IL36G: variants seen among roughly 807,000 people sequenced by gnomAD.
IL36G encodes the protein interleukin-36 gamma.
In IL36G, 10 loss-of-function variants were observed where a neutral mutation model predicts 13.5. The observed-to-expected ratio is 0.74, with a 90% CI of 0.46 to 1.26. The LOEUF (loss-of-function observed/expected upper bound fraction) is 1.26, where lower values mean the gene tolerates loss of function less well. IL36G is among the 50% of genes most tolerant of loss of function. The probability of loss-of-function intolerance (pLI) is 0.00; values close to 1 mark genes in which losing one functional copy is unlikely to be tolerated. For synonymous variants in IL36G, 84 were observed against 74.0 expected (o/e 1.13, Z -0.69); for missense variants, 199 against 203.0 (o/e 0.98, Z 0.12).
intron 4 of IL36G, chr2:112,981,107 AG>A (rs1415484282): frequency 2.5e-6 from 2 of 794,440 alleles, no homozygotes; most frequent in East Asian, 4.9e-5. Context: ...GATAAAAAAT[AG>A]TTTTTCAAAC....
At chr2:112,979,959 T>C in intron 3 of IL36G, 50 bp from the exon 4 acceptor site, 1 of 1,588,520 alleles carries the variant, frequency 6.3e-7, no homozygotes, top group African/African-American at 1.3e-5. Flanking sequence ...TCAAATAATC[T>C]TTCTGACTTC....
intron 4 of IL36G, among the ~76,000 whole-genome samples, chr2:112,982,073 G>A (rs184384525): frequency 9.9e-5 from 15 of 152,250 alleles, no homozygotes; most frequent in Admixed American, 7.9e-4. Context: ...GGAGAGAAAT[G>A]GCAAACAATA....
Position 112,982,511 on chromosome 2 carries a change from G to A in IL36G, c.301-2329G>A, listed in dbSNP as rs78797177. Reference sequence around the variant, plus strand: ...CTCTCTGGAGATCTTAGACTGTGGCGGGCAAAGGTGAAAGTCCTTCAGGAG... The same window carrying A: ...CTCTCTGGAGATCTTAGACTGTGGCAGGCAAAGGTGAAAGTCCTTCAGGAG... On this transcript the variant is annotated intron_variant, in intron 4 of 4. Transcript: ENST00000259205. Among the ~76,000 whole-genome samples, 16 of 152,224 alleles carry A rather than the reference G, an allele frequency of 1.1e-4. No homozygotes were observed. The East Asian group carries it at 3.1e-3, about 29-fold the overall frequency.
chr2:112,984,598 A>G (rs993032380), intron 4 of IL36G, among the ~76,000 whole-genome samples: 3 of 152,132 alleles, frequency 2.0e-5, no homozygotes, highest in African/African-American at 4.8e-5. Flanking sequence ...CTGCTTGTTC[A>G]TTAAACTCTC....
At position 112,978,480 on chromosome 2, in the gene IL36G, G is replaced by C. The variant is rs1314703466; in HGVS notation, c.-19-140G>C. On this transcript the variant is annotated intron_variant, in intron 1 of 4. Coordinates refer to ENST00000259205, the MANE Select transcript of IL36G (RefSeq NM_019618.4). ...TCCTTCAAGTTTCGTCCCAGATGTG[G>C]CTCAGAACTTCTGCCCAGAGCTTCG... The C allele has an allele frequency of 7.4e-6, 5 of 672,412 alleles. No homozygotes were observed. In the African/African-American group the frequency reaches 8.9e-5, roughly 12 times the overall value. 41.7% of individuals were successfully genotyped at this position (672,412 alleles called of 1,614,324 possible).
intron 2 of IL36G, 67 bp from the exon 3 acceptor site, chr2:112,979,154 C>T (rs1039899794): frequency 8.6e-6 from 9 of 1,047,240 alleles, no homozygotes; most frequent in Non-Finnish European, 1.3e-5. Context: ...AGATACTTTT[C>T]TCCTGGGTCT....
intron 4 of IL36G, among the ~76,000 whole-genome samples, chr2:112,982,682 G>T (rs11690399): frequency 0.59 from 89,842 of 151,964 alleles, 28,263 homozygotes; most frequent in African/African-American, 0.81. Context: ...AATGACATTT[G>T]CTACTTTGTC....
At chr2:112,983,006 A>T (rs751604087) in intron 4 of IL36G, among the ~76,000 whole-genome samples, 4 of 152,218 alleles carry the variant, frequency 2.6e-5, no homozygotes, top group Non-Finnish European at 5.9e-5. Context: ...GGAATGACTA[A>T]GAAGAGCAAG....
intron 4 of IL36G, chr2:112,981,427 C>T: frequency 1.4e-6 from 1 of 704,630 alleles, no homozygotes; most frequent in Non-Finnish European, 2.6e-6. Flanking sequence ...AGCCTTTCTC[C>T]TGGGCATGGT....
rs549131617 is a variant in IL36G at position 112,984,359 on chromosome 2, A to G, written c.301-481A>G. Among the ~76,000 whole-genome samples, 4 of 152,228 alleles carry G rather than the reference A, an allele frequency of 2.6e-5. No individual in the cohort carries two copies. In the East Asian group the frequency reaches 7.7e-4, roughly 29 times the overall value. ...TGATACAAATCCTTTGATTTGTTAG[A>G]CCCTCTTGGGTCTTTTTCATTGGTA... On this transcript the variant is annotated intron_variant, in intron 4 of 4. Coordinates refer to ENST00000259205, the MANE Select transcript of IL36G (RefSeq NM_019618.4).
chr2:112,979,236 C>T lies in IL36G; in HGVS notation c.71C>T (p.Thr24Ile), dbSNP rs752465081. 2.5e-6 allele frequency: 4 copies of T among 1,604,092 alleles called. No individual in the cohort carries two copies. Among genetic ancestry groups the T allele is most frequent in the Non-Finnish European group, 3.4e-6 (4 of 1,170,896 alleles). The change falls in exon 3 of 5, where the codon ACT becomes ATT. Residue 24 changes from threonine to isoleucine, a missense_variant. Transcript: ENST00000259205. ...CCAAAATCAGTGTGTAAACCTATTA[C>T]TGGGACTATTAATGATTTGAATCAG... ...AVYQSMCKPI[T>I]GTINDLNQQV...
rs761640770 is a variant in IL36G, at chr2:112,980,106, G to A, written c.258G>A (p.Leu86=). The A allele has an allele frequency of 2.5e-6, 4 of 1,614,138 alleles. No individual in the cohort carries two copies. Among genetic ancestry groups the A allele is most frequent in the South Asian group, 1.1e-5 (1 of 91,088 alleles). The change falls in exon 4 of 5, where the codon TTG becomes TTA. Residue 86 remains leucine (L), a synonymous_variant. Coordinates refer to ENST00000259205, the MANE Select transcript of IL36G (RefSeq NM_019618.4). ...YLGIQNPEMC[L]YCEKVGEQPT... The stretch of plus-strand genomic sequence containing the variant: ...GAATCCAGAATCCAGAAATGTGTTT[G>A]TATTGTGAGAAGGTTGGAGAACAGC...
In IL36G at chr2:112,984,993, A is replaced by G; in HGVS notation, c.454A>G (p.Thr152Ala). The change falls in exon 5 of 5, where the codon ACT (threonine) becomes GCT (alanine). Residue 152 changes from threonine to alanine, a missense_variant. Coordinates refer to ENST00000259205, the MANE Select transcript of IL36G (RefSeq NM_019618.4). ...SSKRDQPIIL[T>A]SELGKSYNTA... ...CAAGAGAGACCAGCCCATCATTCTG[A>G]CTTCAGAACTTGGGAAGTCATACAA... The G allele has an allele frequency of 1.2e-6, 2 of 1,614,058 alleles. No homozygotes were observed. Among genetic ancestry groups the G allele is most frequent in the Non-Finnish European group, 1.7e-6 (2 of 1,180,012 alleles).
rs1573341692 is a variant in IL36G, at chr2:112,981,153, T to A, written c.300+1005T>A. On this transcript the variant is annotated intron_variant, in intron 4 of 4. Coordinates refer to ENST00000259205, the MANE Select transcript of IL36G (RefSeq NM_019618.4). ...ACCAGAAGTACACAGTTATCAAAAA[T>A]GCACACACTACACTTGGCATCTGCA... 3.7e-6 allele frequency: 4 copies of A among 1,090,256 alleles called. No individual in the cohort carries two copies. In the East Asian group the frequency reaches 9.4e-5, roughly 26 times the overall value. 67.5% of individuals were successfully genotyped at this position (1,090,256 alleles called of 1,614,324 possible).
intron 4 of IL36G, 57 bp from the exon 5 acceptor site, chr2:112,984,783 T>C (rs1328804213): frequency 2.2e-6 from 3 of 1,393,432 alleles, no homozygotes; most frequent in South Asian, 2.4e-5. Context: ...ATGAATAACC[T>C]TGAATATCTC....
chr2:112,985,640 A>C lies in IL36G; in HGVS notation c.*591A>C, dbSNP rs1684337149. 6.6e-6 allele frequency: 1 copy of C among 152,380 alleles called. No homozygotes were observed. The highest frequency in any genetic ancestry group is 2.4e-5 in the African/African-American group (1 of 41,472). The allele number at this position is 152,380 out of a possible 1,614,324, so 9.4% of individuals were successfully genotyped here. Reference sequence around the variant, plus strand: ...TGTGTATTTATATAATAATAAAGCTAAAACTGATATAAAATAAAGAAAGAG... The same window carrying C: ...TGTGTATTTATATAATAATAAAGCTCAAACTGATATAAAATAAAGAAAGAG... On this transcript the variant is annotated 3_prime_UTR_variant, in exon 5 of 5. Transcript: ENST00000259205.
At position 112,984,830 on chromosome 2, in the gene IL36G, G is replaced by A. The variant is rs1558818826; in HGVS notation, c.301-10G>A. On this transcript the variant is annotated splice_polypyrimidine_tract_variant and intron_variant, in intron 4 of 4. Coordinates refer to ENST00000259205, the MANE Select transcript of IL36G (RefSeq NM_019618.4). ...GTTTCTCCTAATGGGTACTTGTTCTGACATTTCAGGAGCAGAAGATCATGG... is the reference window on the plus strand; with the variant it reads ...GTTTCTCCTAATGGGTACTTGTTCTAACATTTCAGGAGCAGAAGATCATGG... 1 of 1,611,266 alleles carries A rather than the reference G, an allele frequency of 6.2e-7. No homozygotes were observed. The highest frequency in any genetic ancestry group is 8.5e-7 in the Non-Finnish European group (1 of 1,177,526).
At chr2:112,981,810 G>A (rs934939550) in intron 4 of IL36G, among the ~76,000 whole-genome samples, 9 of 152,090 alleles carry the variant, frequency 5.9e-5, no homozygotes, top group Admixed American at 2.6e-4. Context: ...TCCTTTTATA[G>A]CATTTCCTGA....
At position 112,984,982 on chromosome 2, in the gene IL36G, C is replaced by T. The variant is rs1684327597; in HGVS notation, c.443C>T (p.Pro148Leu). Residue 148 changes from proline (P) to leucine (L), a missense_variant, in exon 5 of 5, where the codon CCC becomes CTC. Transcript: ENST00000259205. The stretch of plus-strand genomic sequence containing the variant: ...ATTGCCTCCTCCAAGAGAGACCAGC[C>T]CATCATTCTGACTTCAGAACTTGGG... ...WFIASSKRDQPIILTSELGKS... is the reference protein window; with the variant it reads ...WFIASSKRDQLIILTSELGKS... 1 of 1,613,960 alleles carries T rather than the reference C, an allele frequency of 6.2e-7. No individual in the cohort carries two copies.
Sources: allele counts gnomAD v4.1 joint callset (sites outside exome capture counted in the v4.1 genomes callset), GRCh38; gene constraint gnomAD v4.1.1; transcripts MANE v1.5; gene names NCBI Gene and HGNC (gene_info 2026-07-23, HGNC 2026-07-21).